Variants in PPP2R2B observed in about 807,000 individuals in gnomAD.
PPP2R2B encodes protein phosphatase 2 regulatory subunit Bbeta.
PPP2R2B carries 5 observed loss-of-function variants against 46.0 expected under a neutral mutation model. The ratio of observed to expected loss-of-function variants is 0.11; its 90% CI spans 0.06 to 0.23. PPP2R2B has a LOEUF of 0.23. Ranked by LOEUF, PPP2R2B falls within the 10% of genes least tolerant of loss-of-function variation. PPP2R2B has a pLI of 1.00. For synonymous variants in PPP2R2B, 215 were observed against 206.7 expected (o/e 1.04, Z -0.34); for missense variants, 367 against 575.0 (o/e 0.64, Z 3.70).
intron 2 of PPP2R2B, among the ~76,000 whole-genome samples, chr5:146,741,387 A>T (rs1752867630): frequency 6.6e-6 from 1 of 152,082 alleles, no homozygotes; most frequent in Non-Finnish European, 1.5e-5. Flanking sequence ...CTGAAGTTGG[A>T]CATGTTGGTG....
At chr5:146,711,576 G>A (rs1012952610) in intron 2 of PPP2R2B, among the ~76,000 whole-genome samples, 1 of 152,178 alleles carries the variant, frequency 6.6e-6, no homozygotes, top group Non-Finnish European at 1.5e-5. Context: ...AGATGGGTTG[G>A]GGGAGAGAGG....
At chr5:146,865,491 G>C (rs925555055) in intron 2 of PPP2R2B, among the ~76,000 whole-genome samples, 2 of 152,018 alleles carry the variant, frequency 1.3e-5, no homozygotes, top group Non-Finnish European at 2.9e-5. Context: ...TTCTTTAACA[G>C]GTTTCATATT....
intron 2 of PPP2R2B, among the ~76,000 whole-genome samples, chr5:146,832,033 T>A (rs2151352589): frequency 6.6e-6 from 1 of 152,258 alleles, no homozygotes; most frequent in South Asian, 2.1e-4. Flanking sequence ...AAAACATTAA[T>A]GGGAAAGAGC....
At chr5:146,772,076 C>T (rs1754892110) in intron 2 of PPP2R2B, among the ~76,000 whole-genome samples, 1 of 152,028 alleles carries the variant, frequency 6.6e-6, no homozygotes, top group Non-Finnish European at 1.5e-5. Context: ...ATTACATCTA[C>T]AGGAAAATGG....
At chr5:146,930,017 G>A (rs1373908388) in intron 1 of PPP2R2B, among the ~76,000 whole-genome samples, 2 of 152,160 alleles carry the variant, frequency 1.3e-5, no homozygotes, top group Admixed American at 6.5e-5. Flanking sequence ...TCGGTCCCTG[G>A]TCTCACAGAA....
intron 2 of PPP2R2B, among the ~76,000 whole-genome samples, chr5:146,778,501 A>G (rs1755320939): frequency 6.6e-6 from 1 of 152,112 alleles, no homozygotes; most frequent in Non-Finnish European, 1.5e-5. Context: ...TGTCATAGCT[A>G]TTGCCAGTGT....
rs180898941 is a variant in PPP2R2B at position 146,954,009 on chromosome 5, T to A, written c.79+101656A>T. On this transcript the variant is annotated intron_variant, in intron 1 of 8. Coordinates refer to the PPP2R2B transcript ENST00000336640. ...GGATATGAATATCTACCAATTGGTATCTGTGAGGTAGACTTGGGGGGCAGG... is the reference window on the plus strand; with the variant it reads ...GGATATGAATATCTACCAATTGGTAACTGTGAGGTAGACTTGGGGGGCAGG... Among the ~76,000 whole-genome samples the A allele has an allele frequency of 2.0e-5, 3 of 152,184 alleles. No individual in the cohort carries two copies. The East Asian group carries it at 5.8e-4, about 29-fold the overall frequency.
intron 2 of PPP2R2B, among the ~76,000 whole-genome samples, chr5:146,871,529 T>C (rs1192314937): frequency 2.6e-5 from 4 of 152,250 alleles, no homozygotes; most frequent in African/African-American, 7.2e-5. Context: ...AGAAGAAATC[T>C]ACAGGAGTAA....
intron 2 of PPP2R2B, among the ~76,000 whole-genome samples, chr5:146,718,414 A>C (rs1238332101): frequency 6.6e-6 from 1 of 152,002 alleles, no homozygotes; most frequent in African/African-American, 2.4e-5. Flanking sequence ...GGTTTCCTAG[A>C]ATATTTATTA....
intron 1 of PPP2R2B, among the ~76,000 whole-genome samples, chr5:146,989,917 A>G (rs1475068228): frequency 6.6e-6 from 1 of 151,886 alleles, no homozygotes; most frequent in Admixed American, 6.6e-5. Flanking sequence ...ATACAAAATC[A>G]ACACAAAAAT....
intron 1 of PPP2R2B, among the ~76,000 whole-genome samples, chr5:146,965,140 T>A (rs1752347156): frequency 6.6e-6 from 1 of 152,170 alleles, no homozygotes; most frequent in African/African-American, 2.4e-5. Context: ...GTCACTCAGT[T>A]AGTTTGATGG....
intron 2 of PPP2R2B, among the ~76,000 whole-genome samples, chr5:146,726,862 G>C (rs1363716136): frequency 6.6e-6 from 1 of 152,090 alleles, no homozygotes; most frequent in Non-Finnish European, 1.5e-5. Flanking sequence ...ATACAGTTCT[G>C]GATTTCAAGA....
intron 2 of PPP2R2B, among the ~76,000 whole-genome samples, chr5:146,830,006 T>C (rs1758828531): frequency 6.6e-6 from 1 of 152,202 alleles, no homozygotes. Flanking sequence ...ACCTACATCA[T>C]AGGATTGTGA....
chr5:146,670,385 C>T lies in PPP2R2B; in HGVS notation c.448-19661G>A, dbSNP rs1435273543. 3.9e-5 allele frequency among the ~76,000 whole-genome samples: 6 copies of T among 152,004 alleles called. No homozygotes were observed. In the South Asian group the frequency reaches 1.0e-3, roughly 26 times the overall value. ...TATCCTGATTTTTTTTTAAAGCTCT[C>T]CAAATAATTGAGGGAAAATTAGAAT... On this transcript the variant is annotated intron_variant, in intron 5 of 9. Transcript: ENST00000394411.
intron 2 of PPP2R2B, among the ~76,000 whole-genome samples, chr5:146,719,359 G>C (rs1257624759): frequency 6.6e-6 from 1 of 152,176 alleles, no homozygotes; most frequent in Non-Finnish European, 1.5e-5. Flanking sequence ...CATAATGAAT[G>C]GTTAACAGAA....
At chr5:147,009,966 G>C (rs142361548) in intron 1 of PPP2R2B, among the ~76,000 whole-genome samples, 2 of 151,632 alleles carry the variant, frequency 1.3e-5, no homozygotes, top group Non-Finnish European at 2.9e-5. Flanking sequence ...CTAACACAGA[G>C]GTGTTGTGAC....
At chr5:146,953,843 C>T (rs1380767368) in intron 1 of PPP2R2B, among the ~76,000 whole-genome samples, 1 of 152,136 alleles carries the variant, frequency 6.6e-6, no homozygotes, top group Non-Finnish European at 1.5e-5. Flanking sequence ...AGAATGCATA[C>T]ATCTAAACAC....
At chr5:146,931,371 G>T (rs1216619320) in intron 1 of PPP2R2B, among the ~76,000 whole-genome samples, 1 of 152,078 alleles carries the variant, frequency 6.6e-6, no homozygotes, top group African/African-American at 2.4e-5. Context: ...TTGACTGCTA[G>T]CTCACAATAG....
At chr5:146,939,526 C>T (rs970819486) in intron 1 of PPP2R2B, among the ~76,000 whole-genome samples, 1 of 152,170 alleles carries the variant, frequency 6.6e-6, no homozygotes, top group African/African-American at 2.4e-5. Context: ...GTAAGTCATT[C>T]ATAATTCTTC....
Sources: allele counts gnomAD v4.1 joint callset (sites outside exome capture counted in the v4.1 genomes callset), GRCh38; gene constraint gnomAD v4.1.1; transcripts MANE v1.5; gene names NCBI Gene and HGNC (gene_info 2026-07-23, HGNC 2026-07-21).